The following COG5 variants were observed in gnomAD, a reference collection of about 807,000 sequenced individuals.
The protein encoded by COG5 is component of oligomeric golgi complex 5, also known as conserved oligomeric Golgi complex subunit 5.
Under a neutral mutation model 110.4 loss-of-function variants are expected in COG5, and 86 were observed. That is an observed-to-expected ratio of 0.78 (90% confidence interval 0.65 to 0.93). COG5 has a LOEUF of 0.93. COG5 is among the 40% of genes least tolerant of loss of function. The probability of loss-of-function intolerance (pLI) is 0.00; values close to 1 mark genes in which losing one functional copy is unlikely to be tolerated. For missense variants in COG5, 1,077 were observed against 987.0 expected, an observed-to-expected ratio of 1.09 and a Z score of -1.22; for synonymous variants, 360 against 334.6, an observed-to-expected ratio of 1.08 and a Z score of -0.83.
chr7:107,340,369 G>T (rs1247666473), intron 10 of COG5, among the ~76,000 whole-genome samples: 1 of 152,056 alleles, frequency 6.6e-6, no homozygotes, highest in Non-Finnish European at 1.5e-5. Context: ...TTTTGTAACT[G>T]AATCAATAAT....
intron 7 of COG5, among the ~76,000 whole-genome samples, chr7:107,392,091 C>T (rs1041182060): frequency 9.2e-5 from 14 of 151,966 alleles, no homozygotes; most frequent in African/African-American, 1.9e-4. Context: ...ACTCAGTCCC[C>T]GCCCCTAAAA....
At chr7:107,465,262 T>G (rs147349675) in intron 6 of COG5, among the ~76,000 whole-genome samples, 12 of 152,262 alleles carry the variant, frequency 7.9e-5, no homozygotes, top group African/African-American at 2.4e-4. Context: ...ATATATGAAT[T>G]TAGTAAAGTT....
chr7:107,470,215 T>C (rs1796552648), intron 6 of COG5: 1 of 152,240 alleles, frequency 6.6e-6, no homozygotes. Flanking sequence ...GATTCCACAG[T>C]AGGAAGAGTG....
intron 21 of COG5, among the ~76,000 whole-genome samples, chr7:107,205,991 T>G (rs1010925950): frequency 6.6e-6 from 1 of 151,714 alleles, no homozygotes; most frequent in Non-Finnish European, 1.5e-5. Context: ...GACGGAGTCT[T>G]GCTCTGTCGC....
chr7:107,234,789 T>A (rs1405436740), intron 18 of COG5, among the ~76,000 whole-genome samples: 3 of 151,728 alleles, frequency 2.0e-5, no homozygotes, highest in African/African-American at 7.3e-5. Context: ...TTTTTTTTTT[T>A]AAACAAATAA....
chr7:107,377,302 T>C (rs1292831945), intron 7 of COG5, among the ~76,000 whole-genome samples: 2 of 152,198 alleles, frequency 1.3e-5, no homozygotes, highest in Admixed American at 6.5e-5. Flanking sequence ...ATTTTTGATA[T>C]GTTGTTTTCC....
chr7:107,257,048 T>C (rs1584582128), intron 15 of COG5, among the ~76,000 whole-genome samples: 1 of 152,158 alleles, frequency 6.6e-6, no homozygotes, highest in Non-Finnish European at 1.5e-5. Context: ...CCTTTATTCA[T>C]GTTACATAGG....
intron 7 of COG5, among the ~76,000 whole-genome samples, chr7:107,395,757 G>A (rs1042255487): frequency 1.3e-5 from 2 of 151,838 alleles, no homozygotes; most frequent in Non-Finnish European, 2.9e-5. Flanking sequence ...GTTTTTCTAT[G>A]TTGATCAGGC....
At position 107,201,623 on chromosome 7, in the gene COG5, CT is replaced by C. The variant is rs1288149110; in HGVS notation, c.*1892del. 5 of 436,838 alleles carry C rather than the reference CT, an allele frequency of 1.1e-5. No homozygotes were observed. The highest frequency in any genetic ancestry group is 2.1e-5 in the Non-Finnish European group (5 of 240,894). The allele number at this position is 436,838 out of a possible 1,614,324, so 27.1% of individuals were successfully genotyped here. On this transcript the variant is annotated 3_prime_UTR_variant, in exon 22 of 22. Transcript: ENST00000297135. ...TCTCCATTAGAGCATTAAGCTAAAA[CT>C]ATCAACATTTTAAACCAAATTGCCT...
chr7:107,467,732 G>A (rs561995723), intron 6 of COG5, among the ~76,000 whole-genome samples: 1 of 152,244 alleles, frequency 6.6e-6, no homozygotes, highest in East Asian at 1.9e-4. Flanking sequence ...GTTAAAAACA[G>A]GGGAAGTTGG....
chr7:107,563,452 C>G (rs1208274610), intron 1 of COG5: 1 of 396,120 alleles, frequency 2.5e-6, no homozygotes, highest in African/African-American at 2.1e-5. Context: ...TCGAACGCTA[C>G]ACCCCTTCGT....
chr7:107,300,967 G>T (rs1022359728), intron 11 of COG5, among the ~76,000 whole-genome samples: 3 of 152,102 alleles, frequency 2.0e-5, no homozygotes, highest in Admixed American at 1.3e-4. Context: ...GATTAATGGT[G>T]CAGAATAGAG....
chr7:107,269,547 C>T (rs1804077840), intron 14 of COG5, among the ~76,000 whole-genome samples: 1 of 151,678 alleles, frequency 6.6e-6, no homozygotes, highest in Admixed American at 6.6e-5. Flanking sequence ...TGAACAATGA[C>T]ATGCATTTTA....
At chr7:107,309,993 CTCTT>C (rs1324382284) in intron 11 of COG5, among the ~76,000 whole-genome samples, 1 of 152,024 alleles carries the variant, frequency 6.6e-6, no homozygotes, top group East Asian at 1.9e-4. Context: ...TTTATGTCAC[CTCTT>C]TCTTAGGTAA....
intron 10 of COG5, among the ~76,000 whole-genome samples, chr7:107,332,251 T>C (rs1436381874): frequency 6.6e-6 from 1 of 152,128 alleles, no homozygotes; most frequent in Non-Finnish European, 1.5e-5. Flanking sequence ...TTTCCATATA[T>C]TGCATGTGGC....
intron 6 of COG5, among the ~76,000 whole-genome samples, chr7:107,503,664 TC>T (rs1174026726): frequency 6.6e-6 from 1 of 152,218 alleles, no homozygotes; most frequent in Non-Finnish European, 1.5e-5. Flanking sequence ...GTTTGTGTCA[TC>T]CACGTTTTCT....
intron 12 of COG5, among the ~76,000 whole-genome samples, chr7:107,295,085 A>ATG (rs1806605004): frequency 4.4e-5 from 3 of 68,384 alleles, no homozygotes; most frequent in Non-Finnish European, 8.2e-5. Context: ...ATATATATAT[A>ATG]TATATATATA....
At chr7:107,461,591 A>G (rs561597678) in intron 6 of COG5, among the ~76,000 whole-genome samples, 1 of 152,318 alleles carries the variant, frequency 6.6e-6, no homozygotes, top group Non-Finnish European at 1.5e-5. Context: ...GGCAAGACCA[A>G]AACAGATTTA....
intron 10 of COG5, among the ~76,000 whole-genome samples, chr7:107,354,774 CTCA>C (rs1812483982): frequency 6.6e-6 from 1 of 152,176 alleles, no homozygotes; most frequent in Admixed American, 6.5e-5. Context: ...TTCACTTTCC[CTCA>C]TAATATCTCA....
Sources: gnomAD v4.1 joint callset for allele counts (sites outside exome capture counted in the v4.1 genomes callset) on GRCh38, gnomAD v4.1.1 for gene constraint, MANE v1.5 for transcripts, NCBI Gene and HGNC (gene_info 2026-07-23, HGNC 2026-07-21) for gene names.